The following MAPKAPK5 variants were observed in gnomAD, a reference collection of about 807,000 sequenced individuals.
MAPKAPK5 encodes the protein MAPK activated protein kinase 5, also known as MAP kinase-activated protein kinase 5.
In MAPKAPK5, 30 loss-of-function variants were observed where a neutral mutation model predicts 65.1. The ratio of observed to expected loss-of-function variants is 0.46; its 90% CI spans 0.34 to 0.63. The LOEUF (loss-of-function observed/expected upper bound fraction) is 0.63, where lower values mean the gene tolerates loss of function less well. Among genes scored for constraint, MAPKAPK5 ranks in the 20% least tolerant of loss-of-function variants. MAPKAPK5 has a pLI of 0.01. For missense variants in MAPKAPK5, 433 were observed against 581.4 expected (o/e 0.74, Z 2.63); for synonymous variants, 179 against 204.6 (o/e 0.87, Z 1.07).
Position 111,883,820 on chromosome 12 carries a change from G to T in MAPKAPK5, c.848+52G>T. 1.3e-6 allele frequency: 2 copies of T among 1,562,382 alleles called. No homozygotes were observed. The highest frequency in any genetic ancestry group is 1.7e-6 in the Non-Finnish European group (2 of 1,153,024). On this transcript the variant is annotated intron_variant, in intron 9 of 13. Coordinates refer to ENST00000550735, the MANE Select transcript of MAPKAPK5 (RefSeq NM_003668.4). The surrounding 1 kb of genome is among the most constrained non-coding windows in gnomAD (Gnocchi z 4.8). ...AGGCCAAGGAGGCCTCCAGGTGGTGGAGCACAAGGGAATGTGGGTAGAGAA... is the reference window on the plus strand; with the variant it reads ...AGGCCAAGGAGGCCTCCAGGTGGTGTAGCACAAGGGAATGTGGGTAGAGAA...
At chr12:111,884,505 C>CCA (rs1386263672) in intron 9 of MAPKAPK5, among the ~76,000 whole-genome samples, 1 of 152,260 alleles carries the variant, frequency 6.6e-6, no homozygotes, top group Non-Finnish European at 1.5e-5. Flanking sequence ...GCCACCGCAC[C>CCA]CAGCTGCTCT....
chr12:111,877,842 G>A (rs2070041483), intron 7 of MAPKAPK5, among the ~76,000 whole-genome samples: 1 of 151,794 alleles, frequency 6.6e-6, no homozygotes, highest in Non-Finnish European at 1.5e-5. Context: ...CACCACATCT[G>A]GCTAATTAAG....
At chr12:111,847,520 C>A (rs1276152447) in intron 1 of MAPKAPK5, among the ~76,000 whole-genome samples, 1 of 152,010 alleles carries the variant, frequency 6.6e-6, no homozygotes, top group Non-Finnish European at 1.5e-5. Flanking sequence ...GGGATTCTTA[C>A]ATATTGTTTT....
chr12:111,850,217 C>T (rs568979997), intron 1 of MAPKAPK5, among the ~76,000 whole-genome samples: 9 of 151,836 alleles, frequency 5.9e-5, no homozygotes, highest in South Asian at 4.2e-4. Context: ...TTAATAGAGA[C>T]GGGGTTTCAC....
At chr12:111,873,600 C>G (rs937735170) in intron 7 of MAPKAPK5, among the ~76,000 whole-genome samples, 3 of 152,142 alleles carry the variant, frequency 2.0e-5, no homozygotes, top group African/African-American at 7.2e-5. Context: ...GCTTCGGCCT[C>G]CCAAAGTGCT....
rs117320434 is a variant in MAPKAPK5, at chr12:111,856,547, C to G, written c.37-8703C>G. Among the ~76,000 whole-genome samples the G allele has an allele frequency of 2.0e-3, 308 of 152,000 alleles. 3 individuals carry two copies. In the East Asian group the frequency reaches 0.038, roughly 19 times the overall value. On this transcript the variant is annotated intron_variant, in intron 1 of 13. Transcript: ENST00000550735. ...CCAGCGTCCTGAGTAGCTGGAATTA[C>G]AAGTGTGCACCACCATGCCTGTCTA... is the stretch of plus-strand genomic sequence containing the variant.
chr12:111,876,617 ACAT>A, intron 7 of MAPKAPK5, among the ~76,000 whole-genome samples: 1 of 152,234 alleles, frequency 6.6e-6, no homozygotes, highest in African/African-American at 2.4e-5. Flanking sequence ...AATTTTTCAG[ACAT>A]CATCTCTTCA....
chr12:111,856,767 A>G (rs1488932269), intron 1 of MAPKAPK5, among the ~76,000 whole-genome samples: 1 of 152,220 alleles, frequency 6.6e-6, no homozygotes, highest in African/African-American at 2.4e-5. Context: ...ATTACAAACC[A>G]GAAAATACAG....
intron 1 of MAPKAPK5, among the ~76,000 whole-genome samples, chr12:111,850,081 T>C (rs759769909): frequency 1.3e-5 from 2 of 151,218 alleles, no homozygotes; most frequent in Non-Finnish European, 2.9e-5. Flanking sequence ...CAGGCTGGAG[T>C]GTAGTGGCGT....
At chr12:111,878,707 C>G (rs1593169762) in intron 7 of MAPKAPK5, among the ~76,000 whole-genome samples, 1 of 152,182 alleles carries the variant, frequency 6.6e-6, no homozygotes, top group Admixed American at 6.5e-5. Context: ...ACGTGAGCCA[C>G]CATGCCCCGC....
At position 111,899,672 on chromosome 12, in the gene MAPKAPK5, A is replaced by T; in HGVS notation, c.*6611A>T. On this transcript the variant is annotated 3_prime_UTR_variant, in exon 14 of 14. Transcript: ENST00000550735. ...ACCACAATGGCCTCCTGGGGCAAGA[A>T]TCGCCTTTCATCTCACATGACTGCC... The T allele has an allele frequency of 3.4e-6, 1 of 297,544 alleles. No individual in the cohort carries two copies. Among genetic ancestry groups the T allele is most frequent in the Non-Finnish European group, 6.8e-6 (1 of 147,560 alleles). 18.4% of individuals were successfully genotyped at this position (297,544 alleles called of 1,614,324 possible).
At position 111,846,699 on chromosome 12, in the gene MAPKAPK5, A is replaced by G. The variant is rs574640924; in HGVS notation, c.36+3930A>G. ...TTTTTAGTAGAGACGGGGTTTCACC[A>G]TGTTGGCCAGGCTGATCTCGAACTC... On this transcript the variant is annotated intron_variant, in intron 1 of 13. Coordinates refer to ENST00000550735, the MANE Select transcript of MAPKAPK5 (RefSeq NM_003668.4). Among the ~76,000 whole-genome samples the G allele has an allele frequency of 2.0e-5, 3 of 151,770 alleles. 1 individual carries two copies. The highest frequency in any genetic ancestry group is 1.9e-4 in the East Asian group (1 of 5,144).
At chr12:111,873,190 G>T (rs528686669) in intron 7 of MAPKAPK5, among the ~76,000 whole-genome samples, 5 of 152,204 alleles carry the variant, frequency 3.3e-5, no homozygotes, top group African/African-American at 1.2e-4. Context: ...ATCTGAGTTT[G>T]TGTGTGTATG....
rs770853857 is a variant in MAPKAPK5 at position 111,898,015 on chromosome 12, T to C, written c.*4954T>C. ...TGTACTGCTAAATACACCAAGGAAA[T>C]TGACATCAAAACCAAATTCAAGGAC... On this transcript the variant is annotated 3_prime_UTR_variant, in exon 14 of 14. Coordinates refer to ENST00000550735, the MANE Select transcript of MAPKAPK5 (RefSeq NM_003668.4). 3 of 151,904 alleles carry C rather than the reference T, an allele frequency of 2.0e-5. No homozygotes were observed. Among genetic ancestry groups the C allele is most frequent in the Non-Finnish European group, 4.4e-5 (3 of 67,998 alleles). 9.4% of individuals were successfully genotyped at this position (151,904 alleles called of 1,614,324 possible).
intron 1 of MAPKAPK5, among the ~76,000 whole-genome samples, chr12:111,855,356 G>A (rs2069200031): frequency 6.6e-6 from 1 of 152,084 alleles, no homozygotes; most frequent in South Asian, 2.1e-4. Flanking sequence ...AAAGGTAGAA[G>A]GTTAGGTTAG....
In MAPKAPK5 at chr12:111,897,619, T is replaced by TA. The variant is rs1454027119; in HGVS notation, c.*4561dup. On this transcript the variant is annotated 3_prime_UTR_variant, in exon 14 of 14. Transcript: ENST00000550735. ...AATTTTAAGAAGCTTTGCGCTTACA[T>TA]AAATCACAAGAAATACAGCTGGAAA... The TA allele has an allele frequency of 6.6e-6, 1 of 152,194 alleles. No individual in the cohort carries two copies. Among genetic ancestry groups the TA allele is most frequent in the African/African-American group, 2.4e-5 (1 of 41,460 alleles). 9.4% of individuals were successfully genotyped at this position (152,194 alleles called of 1,614,324 possible). A position where few individuals can be genotyped will look rare whatever the true frequency, so the allele number is the denominator to read the frequency against.
intron 10 of MAPKAPK5, chr12:111,888,103 G>C (rs2136152106): frequency 4.7e-6 from 1 of 212,756 alleles, no homozygotes; most frequent in South Asian, 7.6e-5. Flanking sequence ...GAGCTGTCAG[G>C]GCTGAGGTGA....
At chr12:111,845,064 T>C (rs1470973251) in intron 1 of MAPKAPK5, among the ~76,000 whole-genome samples, 1 of 152,126 alleles carries the variant, frequency 6.6e-6, no homozygotes. Flanking sequence ...AGTATACAAA[T>C]AGGGCAGCAA....
chr12:111,868,896 C>T (rs1436964621), intron 5 of MAPKAPK5, 35 bp downstream of exon 5: 2 of 1,490,674 alleles, frequency 1.3e-6, no homozygotes, highest in Non-Finnish European at 1.8e-6. Flanking sequence ...AAACTGCCAC[C>T]AAAGTTGGTT....
Sources: gnomAD v4.1 joint callset for allele counts (sites outside exome capture counted in the v4.1 genomes callset) on GRCh38, gnomAD v4.1.1 for gene constraint, Gnocchi (gnomAD v3.1) non-coding constraint, MANE v1.5 for transcripts, NCBI Gene and HGNC (gene_info 2026-07-23, HGNC 2026-07-21) for gene names.